ADAM18: variants seen among roughly 807,000 people sequenced by gnomAD.
The protein encoded by ADAM18 is disintegrin and metalloproteinase domain-containing protein 18.
In ADAM18, 117 loss-of-function variants were observed where a neutral mutation model predicts 94.4. That is an observed-to-expected ratio of 1.24 (90% CI 1.07 to 1.45). The LOEUF (loss-of-function observed/expected upper bound fraction) is 1.45, where lower values mean the gene tolerates loss of function less well. Ranked by LOEUF, ADAM18 falls within the 40% of genes most tolerant of loss-of-function variation. The probability of loss-of-function intolerance (pLI) is 0.00; values close to 1 mark genes in which losing one functional copy is unlikely to be tolerated. For synonymous variants in ADAM18, 327 were observed against 291.6 expected, an observed-to-expected ratio of 1.12 and a Z score of -1.24; for missense variants, 936 against 880.0, an observed-to-expected ratio of 1.06 and a Z score of -0.81.
intron 1 of ADAM18, 144 bp downstream of exon 1, chr8:39,584,821 CT>C: frequency 1.0e-6 from 1 of 956,456 alleles, no homozygotes; most frequent in Non-Finnish European, 1.6e-6. Context: ...TCAGGGACAC[CT>C]TTCCACGCCA....
rs1821415314 is a variant in ADAM18, at chr8:39,680,199, T to C, written c.1794T>C (p.Ala598=). ...ATGGAACAGACAATGCCTATGTGGCTGATGGCACCATGTGTGGTCCAGAAA... is the reference window on the plus strand; with the variant it reads ...ATGGAACAGACAATGCCTATGTGGCCGATGGCACCATGTGTGGTCCAGAAA... ...RSDGTDNAYV[A]DGTMCGPEMY... is the part of the protein sequence containing the mutation. The change falls in exon 16 of 20, where the codon GCT becomes GCC. Residue 598 remains alanine, a synonymous_variant. Transcript: ENST00000265707. 1 of 1,613,198 alleles carries C rather than the reference T, an allele frequency of 6.2e-7. No homozygotes were observed. The highest frequency in any genetic ancestry group is 1.7e-5 in the Admixed American group (1 of 59,708).
At chr8:39,675,929 C>G (rs144289286) in intron 14 of ADAM18, among the ~76,000 whole-genome samples, 1 of 152,300 alleles carries the variant, frequency 6.6e-6, no homozygotes, top group East Asian at 1.9e-4. Flanking sequence ...CACTCCAGAC[C>G]CTGTTTCCCT....
intron 2 of ADAM18, among the ~76,000 whole-genome samples, chr8:39,589,615 A>AAT (rs1425166538): frequency 6.6e-6 from 1 of 151,708 alleles, no homozygotes; most frequent in African/African-American, 2.4e-5. Context: ...CACATGAAGA[A>AAT]ATATATATAT....
intron 17 of ADAM18, among the ~76,000 whole-genome samples, chr8:39,700,974 C>T (rs950959717): frequency 4.7e-5 from 7 of 150,098 alleles, no homozygotes; most frequent in South Asian, 2.1e-4. Flanking sequence ...AAAAATTAGC[C>T]GGGCGTAGTG....
intron 15 of ADAM18, among the ~76,000 whole-genome samples, chr8:39,678,534 C>T (rs1022618546): frequency 2.0e-4 from 30 of 152,098 alleles, no homozygotes; most frequent in Admixed American, 1.6e-3. Flanking sequence ...GGAGACCCGG[C>T]ATAATCAGCC....
intron 6 of ADAM18, among the ~76,000 whole-genome samples, chr8:39,620,357 C>CAAAAAAAAAAAAAAAAAAAAAAAAAA (rs61555393): frequency 4.4e-5 from 4 of 90,564 alleles, no homozygotes; most frequent in Admixed American, 1.4e-4. Flanking sequence ...GCAACAAAAG[C>CAAAAAAAAAAAAAAAAAAAAAAAAAA]AAAAAAAAAA....
chr8:39,596,853 C>T (rs565665907), intron 2 of ADAM18, among the ~76,000 whole-genome samples: 32 of 152,126 alleles, frequency 2.1e-4, no homozygotes, highest in African/African-American at 5.3e-4. Context: ...TCAGTGTTTG[C>T]GTTTTGACTA....
chr8:39,714,080 C>G (rs1204689664), intron 18 of ADAM18, among the ~76,000 whole-genome samples: 3 of 152,134 alleles, frequency 2.0e-5, no homozygotes, highest in African/African-American at 7.2e-5. Flanking sequence ...GAAACCGTGG[C>G]ACATGTACAC....
chr8:39,615,606 T>C (rs183523207), intron 6 of ADAM18, among the ~76,000 whole-genome samples: 4 of 152,210 alleles, frequency 2.6e-5, no homozygotes, highest in Admixed American at 2.6e-4. Flanking sequence ...ACAGTAAATA[T>C]ACTCAACAGG....
intron 6 of ADAM18, among the ~76,000 whole-genome samples, chr8:39,621,129 T>C (rs531647579): frequency 4.6e-5 from 7 of 152,044 alleles, no homozygotes; most frequent in African/African-American, 1.7e-4. Context: ...AAGAGGCATT[T>C]CACTGAAAAG....
intron 10 of ADAM18, among the ~76,000 whole-genome samples, chr8:39,640,939 A>T (rs1162708935): frequency 2.0e-5 from 3 of 151,414 alleles, no homozygotes; most frequent in Admixed American, 6.6e-5. Context: ...AGATGGGTAG[A>T]TTGCAAAAAT....
At chr8:39,670,945 C>T (rs1331544459) in intron 14 of ADAM18, among the ~76,000 whole-genome samples, 1 of 152,220 alleles carries the variant, frequency 6.6e-6, no homozygotes, top group Non-Finnish European at 1.5e-5. Context: ...CAAACACACA[C>T]TGGCAGGTTA....
rs565313071 is a variant in ADAM18 at position 39,608,085 on chromosome 8, G to GA, written c.189-948dup. ...ATTGGCAAATATATAAGTTTTTCAG[G>GA]AAAAAAAAACATGTAAAAAGTCGGA... On this transcript the variant is annotated intron_variant, in intron 3 of 19. Transcript: ENST00000265707. Among the ~76,000 whole-genome samples, 373 of 149,170 alleles carry GA rather than the reference G, an allele frequency of 2.5e-3. 3 individuals are homozygous for GA. Among genetic ancestry groups the GA allele is most frequent in the South Asian group, 4.9e-3 (23 of 4,706 alleles).
At chr8:39,677,583 T>C (rs1216671701) in intron 15 of ADAM18, 47 bp downstream of exon 15, 3 of 1,404,730 alleles carry the variant, frequency 2.1e-6, no homozygotes, top group Non-Finnish European at 1.9e-6. Flanking sequence ...AAAAATTATG[T>C]ATTTTTATCA....
At chr8:39,622,871 T>C (rs892201972) in intron 6 of ADAM18, among the ~76,000 whole-genome samples, 4 of 152,128 alleles carry the variant, frequency 2.6e-5, no homozygotes, top group African/African-American at 7.2e-5. Context: ...TCTGTATATA[T>C]TTATATATAT....
chr8:39,657,302 CTTTG>C (rs1254219916), intron 12 of ADAM18, among the ~76,000 whole-genome samples: 4 of 151,846 alleles, frequency 2.6e-5, no homozygotes, highest in Admixed American at 1.3e-4. Flanking sequence ...CTAAAAAGGT[CTTTG>C]TTTGTTTGTT....
At chr8:39,691,779 T>G (rs1447556748) in intron 16 of ADAM18, among the ~76,000 whole-genome samples, 1 of 150,192 alleles carries the variant, frequency 6.7e-6, no homozygotes, top group Non-Finnish European at 1.5e-5. Context: ...CTAAAAATAG[T>G]CTTGGATATC....
intron 17 of ADAM18, among the ~76,000 whole-genome samples, chr8:39,705,187 G>A (rs1232760452): frequency 6.6e-6 from 1 of 152,054 alleles, no homozygotes; most frequent in Non-Finnish European, 1.5e-5. Flanking sequence ...ATATTGTAAG[G>A]TTATCTTTTG....
chr8:39,631,529 T>C (rs1307451858), intron 7 of ADAM18, among the ~76,000 whole-genome samples: 1 of 152,030 alleles, frequency 6.6e-6, no homozygotes, highest in Non-Finnish European at 1.5e-5. Context: ...GCTGTTCACT[T>C]CCATTGCCCT....
Sources: gnomAD v4.1 joint callset for allele counts (sites outside exome capture counted in the v4.1 genomes callset) on GRCh38, gnomAD v4.1.1 for gene constraint, MANE v1.5 for transcripts, NCBI Gene and HGNC (gene_info 2026-07-23, HGNC 2026-07-21) for gene names.